BLCAP: variants seen among roughly 807,000 people sequenced by gnomAD.
BLCAP encodes the protein BLCAP apoptosis inducing factor.
Under a neutral mutation model 5.7 loss-of-function variants are expected in BLCAP, and 1 was observed. The ratio of observed to expected loss-of-function variants is 0.18; its 90% confidence interval spans 0.06 to 0.83. The LOEUF is 0.83. Ranked by LOEUF, BLCAP falls within the 40% of genes least tolerant of loss-of-function variation. The pLI is 0.71. For synonymous variants in BLCAP, 48 were observed against 49.4 expected, an observed-to-expected ratio of 0.97 and a Z score of 0.11; for missense variants, 66 against 107.6, an observed-to-expected ratio of 0.61 and a Z score of 1.71.
intron 1 of BLCAP, among the ~76,000 whole-genome samples, chr20:37,526,078 T>C (rs886240634): frequency 2.0e-5 from 3 of 152,136 alleles, no homozygotes; most frequent in African/African-American, 4.8e-5. Context: ...TGTGGAATAT[T>C]TGAATTGTCA....
intron 1 of BLCAP, chr20:37,522,584 T>TGGGGGGGGGGGGAGGGGGGG: frequency 1.6e-6 from 1 of 629,018 alleles, no homozygotes; most frequent in Non-Finnish European, 2.1e-6. Flanking sequence ...GGGCAGGGGG[T>TGGGGGGGGGGGGAGGGGGGG]GGGGCGGGGG....
intron 1 of BLCAP, among the ~76,000 whole-genome samples, chr20:37,524,916 C>T (rs145723300): frequency 1.3e-5 from 2 of 152,310 alleles, no homozygotes; most frequent in South Asian, 4.1e-4. Flanking sequence ...CGAAGAGGGC[C>T]TTTGAGATGC....
chr20:37,522,584 T>TGGGGGGGGGGGGGGGGGGGGGGG (rs2071623066), intron 1 of BLCAP: 2 of 628,962 alleles, frequency 3.2e-6, no homozygotes, highest in Non-Finnish European at 4.1e-6. Context: ...GGGCAGGGGG[T>TGGGGGGGGGGGGGGGGGGGGGGG]GGGGCGGGGG....
chr20:37,522,108 T>C (rs2071600553), intron 1 of BLCAP, among the ~76,000 whole-genome samples: 1 of 131,956 alleles, frequency 7.6e-6, no homozygotes, highest in South Asian at 2.3e-4. Context: ...AGAAAAAAAT[T>C]AGAGGAAAAA....
chr20:37,522,854 C>G, intron 1 of BLCAP: 2 of 1,133,628 alleles, frequency 1.8e-6, no homozygotes, highest in Non-Finnish European at 2.5e-6. Flanking sequence ...ATGTGGGGTC[C>G]CCTGTGTTCC....
intron 1 of BLCAP, chr20:37,522,756 C>T (rs1275607758): frequency 1.3e-5 from 21 of 1,600,080 alleles, no homozygotes; most frequent in Non-Finnish European, 1.7e-5. Flanking sequence ...GAGCCCCCAA[C>T]TGAGGCCCCA....
In BLCAP at chr20:37,519,303, G is replaced by A. The variant is rs2071474849; in HGVS notation, c.-129C>T. ...ACCCTCACTCTCCAGGAGCTGAGCCGCTGTGCTCTCTGGCTGTCAGCCCGG... is the reference window on the plus strand; with the variant it reads ...ACCCTCACTCTCCAGGAGCTGAGCCACTGTGCTCTCTGGCTGTCAGCCCGG... On this transcript the variant is annotated 5_prime_UTR_variant, in exon 2 of 2. Coordinates refer to ENST00000373537, the MANE Select transcript of BLCAP (RefSeq NM_006698.4). 2 of 1,160,820 alleles carry A rather than the reference G, an allele frequency of 1.7e-6. No homozygotes were observed. Among genetic ancestry groups the A allele is most frequent in the Non-Finnish European group, 2.4e-6 (2 of 843,354 alleles). The allele number at this position is 1,160,820 out of a possible 1,614,324, so 71.9% of individuals were successfully genotyped here.
At position 37,519,184 on chromosome 20, in the gene BLCAP, C is replaced by T. The variant is rs766354032; in HGVS notation, c.-10G>A. ...ACTGGAGGCAATACATGATCTCTGC[C>T]GGGCAGGGCCTTCACCAAGGCTGCC... On this transcript the variant is annotated 5_prime_UTR_variant, in exon 2 of 2. Transcript: ENST00000373537. The T allele has an allele frequency of 6.4e-7, 1 of 1,568,256 alleles. No individual in the cohort carries two copies. Among genetic ancestry groups the T allele is most frequent in the Non-Finnish European group, 8.6e-7 (1 of 1,156,282 alleles).
chr20:37,518,113 C>T lies in BLCAP; in HGVS notation c.*798G>A, dbSNP rs1301586704. 2.0e-5 allele frequency: 3 copies of T among 152,272 alleles called. No individual in the cohort carries two copies. The highest frequency in any genetic ancestry group is 7.2e-5 in the African/African-American group (3 of 41,440). 9.4% of individuals were successfully genotyped at this position (152,272 alleles called of 1,614,324 possible). A position where few individuals can be genotyped will look rare whatever the true frequency, so the allele number is the denominator to read the frequency against. On this transcript the variant is annotated 3_prime_UTR_variant, in exon 2 of 2. Transcript: ENST00000373537. Reference sequence around the variant, plus strand: ...AGAACTACGTGAACACACCATACTTCAATGCTGCAGAGCATGCACGGGAGA... The same window carrying T: ...AGAACTACGTGAACACACCATACTTTAATGCTGCAGAGCATGCACGGGAGA...
intron 1 of BLCAP, among the ~76,000 whole-genome samples, chr20:37,525,689 T>C (rs552667745): frequency 6.6e-6 from 1 of 152,352 alleles, no homozygotes; most frequent in African/African-American, 2.4e-5. Context: ...GCCTAGATGG[T>C]CCAAACACAC....
intron 1 of BLCAP, chr20:37,522,384 G>A: frequency 6.2e-7 from 1 of 1,613,754 alleles, no homozygotes; most frequent in Non-Finnish European, 8.5e-7. Context: ...GCATTTACTG[G>A]GTAGGATTCG....
chr20:37,522,681 C>T (rs2071626939), intron 1 of BLCAP: 1 of 1,612,006 alleles, frequency 6.2e-7, no homozygotes, highest in Non-Finnish European at 8.5e-7. Context: ...TCAGGTACTC[C>T]CTGCAGAAGC....
chr20:37,522,535 C>G, intron 1 of BLCAP: 1 of 1,371,160 alleles, frequency 7.3e-7, no homozygotes, highest in Non-Finnish European at 1.0e-6. Flanking sequence ...CAAGCTGCGC[C>G]CGCGCCCGCC....
In BLCAP at chr20:37,519,121, G is replaced by A. The variant is rs764018934; in HGVS notation, c.54C>T (p.Asn18=). 12 of 1,610,822 alleles carry A rather than the reference G, an allele frequency of 7.4e-6. No homozygotes were observed. Among genetic ancestry groups the A allele is most frequent in the Non-Finnish European group, 1.0e-5 (12 of 1,178,792 alleles). The part of the protein sequence containing the change: ...LPVLLIPKPL[N]PALWFSHSMF... ...TGGAGTGGCTGAACCACAGGGCGGG[G>A]TTGAGGGGCTTGGGGATGAGGAGGA... Residue 18 remains asparagine (N), a synonymous_variant, in exon 2 of 2, where the codon AAC becomes AAT. Coordinates refer to ENST00000373537, the MANE Select transcript of BLCAP (RefSeq NM_006698.4).
Position 37,518,903 on chromosome 20 carries a change from G to T in BLCAP, c.*8C>A. ...TCTGCTTCCTTGGAAAGCTAACAGG[G>T]CAGGCCGTTAGGTGCCCACAACGCC... On this transcript the variant is annotated 3_prime_UTR_variant, in exon 2 of 2. Transcript: ENST00000373537. 1 of 1,613,786 alleles carries T rather than the reference G, an allele frequency of 6.2e-7. No homozygotes were observed.
At position 37,521,486 on chromosome 20, in the gene BLCAP, TC is replaced by T. The variant is rs999744664; in HGVS notation, c.-176-2137del. The T allele has an allele frequency of 1.5e-6, 2 of 1,364,548 alleles. No individual in the cohort carries two copies. The highest frequency in any genetic ancestry group is 2.1e-6 in the Non-Finnish European group (2 of 954,686). 84.5% of individuals were successfully genotyped at this position (1,364,548 alleles called of 1,614,324 possible). On this transcript the variant is annotated intron_variant, in intron 1 of 1. Coordinates refer to ENST00000373537, the MANE Select transcript of BLCAP (RefSeq NM_006698.4). This position sits in a 1 kb window ranked among gnomAD's most constrained non-coding sequence, Gnocchi z 4.5. ...GCAAGACTGCGTCGCGATTGCCGCT[TC>T]CCGGACCCGTCCTATTCCGATTGCC...
chr20:37,519,265 T>C lies in BLCAP; in HGVS notation c.-91A>G. The C allele has an allele frequency of 7.0e-7, 1 of 1,425,174 alleles. No homozygotes were observed. Among genetic ancestry groups the C allele is most frequent in the Non-Finnish European group, 9.4e-7 (1 of 1,067,310 alleles). 88.3% of individuals were successfully genotyped at this position (1,425,174 alleles called of 1,614,324 possible). A position where few individuals can be genotyped will look rare whatever the true frequency, so the allele number is the denominator to read the frequency against. On this transcript the variant is annotated 5_prime_UTR_variant, in exon 2 of 2. Coordinates refer to ENST00000373537, the MANE Select transcript of BLCAP (RefSeq NM_006698.4). ...AGCCAGCGGGCGCAGGCGGCTGCCCTCCGCTTTCTTCAACCCTCACTCTCC... is the reference window on the plus strand; with the variant it reads ...AGCCAGCGGGCGCAGGCGGCTGCCCCCCGCTTTCTTCAACCCTCACTCTCC...
chr20:37,517,578 C>G lies in BLCAP; in HGVS notation c.*1333G>C, dbSNP rs2071425878. The G allele has an allele frequency of 1.3e-5, 2 of 152,488 alleles. No homozygotes were observed. Among genetic ancestry groups the G allele is most frequent in the Non-Finnish European group, 2.9e-5 (2 of 68,054 alleles). 9.4% of individuals were successfully genotyped at this position (152,488 alleles called of 1,614,324 possible). On this transcript the variant is annotated 3_prime_UTR_variant, in exon 2 of 2. Coordinates refer to ENST00000373537, the MANE Select transcript of BLCAP (RefSeq NM_006698.4). The stretch of plus-strand genomic sequence containing the variant: ...TCTGTTCTCTGCCTGGCCCATCTCT[C>G]TTTCCCCTCAGGCAAGAGAGAGATG...
intron 1 of BLCAP, chr20:37,522,787 G>C (rs992145446): frequency 2.6e-6 from 4 of 1,552,154 alleles, no homozygotes; most frequent in East Asian, 2.4e-5. Flanking sequence ...CTGGGCGGCC[G>C]TATCATCAGG....
Sources: gnomAD v4.1 joint callset for allele counts (sites outside exome capture counted in the v4.1 genomes callset) on GRCh38, gnomAD v4.1.1 for gene constraint, Gnocchi (gnomAD v3.1) non-coding constraint, MANE v1.5 for transcripts, NCBI Gene and HGNC (gene_info 2026-07-23, HGNC 2026-07-21) for gene names.